Variants in AFF2 observed in about 807,000 individuals in gnomAD.
The protein encoded by AFF2 is AF4/FMR2 family member 2.
AFF2 carries 14 observed loss-of-function variants against 76.9 expected under a neutral mutation model. The observed-to-expected ratio is 0.18, with a 90% CI of 0.12 to 0.28. The LOEUF (loss-of-function observed/expected upper bound fraction) is 0.28. AFF2 is among the 10% of genes least tolerant of loss of function. AFF2 has a pLI of 1.00. For synonymous variants in AFF2, 398 were observed against 366.7 expected (o/e 1.09, Z -0.98); for missense variants, 868 against 1,001.1 (o/e 0.87, Z 1.79).
chrX:148,726,570 A>G (rs957422808), intron 3 of AFF2, among the ~76,000 whole-genome samples: 1 of 111,897 alleles, frequency 8.9e-6, no homozygotes, highest in African/African-American at 3.3e-5. Flanking sequence ...TCTTTATAGC[A>G]AAATCACTAT....
rs1016470211 is a variant in AFF2 at position 148,974,351 on chromosome X, C to T, written c.3404+744C>T. The stretch of plus-strand genomic sequence containing the variant: ...TATTTGTACAATAATTTAATCCACC[C>T]CTGAATAGTGGATAAGCACCATCGT... On this transcript the variant is annotated intron_variant, in intron 16 of 20. Transcript: ENST00000370460. Among the ~76,000 whole-genome samples, 3 of 110,468 alleles carry T rather than the reference C, an allele frequency of 2.7e-5. No individual in the cohort carries two copies. In the South Asian group the frequency reaches 1.2e-3, roughly 44 times the overall value.
At chrX:148,936,014 A>T (rs1557284996) in intron 9 of AFF2, among the ~76,000 whole-genome samples, 1 of 111,069 alleles carries the variant, frequency 9.0e-6, no homozygotes, top group Non-Finnish European at 1.9e-5. Flanking sequence ...TTGCCTAGAG[A>T]TCTAATTCCA....
intron 3 of AFF2, among the ~76,000 whole-genome samples, chrX:148,706,853 C>G (rs900063420): frequency 1.8e-5 from 2 of 112,551 alleles, no homozygotes; most frequent in Non-Finnish European, 3.8e-5. Flanking sequence ...TGTGCCTAAA[C>G]AGAAGATTCT....
rs1385473343 is a variant in AFF2, at chrX:148,580,839, T to A, written c.48-71160T>A. 2.8e-5 allele frequency among the ~76,000 whole-genome samples: 3 copies of A among 108,226 alleles called. No homozygotes were observed. In the Admixed American group the frequency reaches 3.0e-4, roughly 11 times the overall value. 94.0% of individuals were successfully genotyped at this position (108,226 alleles called of 115,157 possible). ...CTTCTTAATGTAAATAACAAATCAA[T>A]TTTATACTATTATTACAGCTCTTAA... On this transcript the variant is annotated intron_variant, in intron 1 of 20. Transcript: ENST00000370460.
intron 9 of AFF2, among the ~76,000 whole-genome samples, chrX:148,952,936 C>T (rs1426631628): frequency 9.0e-6 from 1 of 110,955 alleles, no homozygotes; most frequent in Admixed American, 9.6e-5. Context: ...TGGGGCTGAG[C>T]GCCAGGCCCT....
At chrX:148,737,447 G>T (rs187572829) in intron 3 of AFF2, among the ~76,000 whole-genome samples, 1 of 111,815 alleles carries the variant, frequency 8.9e-6, no homozygotes, top group East Asian at 2.8e-4. Context: ...CAGAGCTACT[G>T]ATTTGTGTAC....
At chrX:148,947,403 A>C in intron 9 of AFF2, among the ~76,000 whole-genome samples, 1 of 112,264 alleles carries the variant, frequency 8.9e-6, no homozygotes, top group South Asian at 3.7e-4. Flanking sequence ...CTGGGGACAT[A>C]GGCTCCCTCC....
chrX:148,549,798 T>C (rs782626610), intron 1 of AFF2, among the ~76,000 whole-genome samples: 1 of 112,168 alleles, frequency 8.9e-6, no homozygotes, highest in Non-Finnish European at 1.9e-5. Flanking sequence ...TTCCCCCAGT[T>C]GCTATTTCTG....
chrX:148,948,395 T>A (rs373853085), intron 9 of AFF2, among the ~76,000 whole-genome samples: 3 of 111,708 alleles, frequency 2.7e-5, no homozygotes, highest in African/African-American at 6.5e-5. Flanking sequence ...TCACTTAAAA[T>A]CCCCAATACA....
chrX:148,651,408 C>T (rs1380540732), intron 1 of AFF2, among the ~76,000 whole-genome samples: 6 of 112,061 alleles, frequency 5.4e-5, no homozygotes, highest in Non-Finnish European at 1.1e-4. Flanking sequence ...TTGAAGAAAA[C>T]TGTGAGAAGA....
chrX:148,545,538 A>G (rs1299463874), intron 1 of AFF2, among the ~76,000 whole-genome samples: 2 of 111,281 alleles, frequency 1.8e-5, no homozygotes, highest in African/African-American at 6.5e-5. Context: ...TTATCCGATA[A>G]TAAGACAGCA....
intron 1 of AFF2, among the ~76,000 whole-genome samples, chrX:148,542,881 C>A (rs1480348447): frequency 8.9e-6 from 1 of 112,325 alleles, no homozygotes; most frequent in Non-Finnish European, 1.9e-5. Context: ...TCCCCGTCTT[C>A]ATCACAAGTA....
chrX:148,845,040 A>G (rs1188805018), intron 7 of AFF2, among the ~76,000 whole-genome samples: 1 of 110,263 alleles, frequency 9.1e-6, no homozygotes, highest in African/African-American at 3.3e-5. Context: ...CTAGGAAACA[A>G]TAGATCTAAT....
At chrX:148,689,123 C>T (rs2054626799) in intron 3 of AFF2, among the ~76,000 whole-genome samples, 2 of 111,735 alleles carry the variant, frequency 1.8e-5, no homozygotes, top group Admixed American at 1.9e-4. Flanking sequence ...CTTCTGAGCC[C>T]CCTCTCCTTG....
chrX:148,912,896 T>C (rs782261361), intron 9 of AFF2, among the ~76,000 whole-genome samples: 1 of 112,715 alleles, frequency 8.9e-6, no homozygotes, highest in East Asian at 2.8e-4. Flanking sequence ...CATTTCAAGA[T>C]AATGAGGCAC....
At chrX:148,857,736 G>A (rs1296728107) in intron 7 of AFF2, among the ~76,000 whole-genome samples, 28 of 40,144 alleles carry the variant, frequency 7.0e-4, no homozygotes, top group African/African-American at 2.0e-3. Flanking sequence ...CAACTCTCTT[G>A]AAAACCAAAC....
intron 1 of AFF2, among the ~76,000 whole-genome samples, chrX:148,650,250 A>T (rs1054444435): frequency 9.0e-6 from 1 of 111,469 alleles, no homozygotes; most frequent in African/African-American, 3.3e-5. Context: ...TCAAACATGG[A>T]GACATTGAGA....
At chrX:148,963,021 C>A in intron 13 of AFF2, 84 bp downstream of exon 13, 1 of 666,561 alleles carries the variant, frequency 1.5e-6, no homozygotes, top group Non-Finnish European at 2.4e-6. Context: ...GGGGATGTTG[C>A]AGGAGGAAGG....
At chrX:148,954,403 G>A (rs1385956903) in intron 10 of AFF2, among the ~76,000 whole-genome samples, 52 of 110,977 alleles carry the variant, frequency 4.7e-4, no homozygotes, top group Non-Finnish European at 3.8e-4. Context: ...CTCAACCCCC[G>A]GCTCTTCATA....
Sources: gnomAD v4.1 joint callset for allele counts (sites outside exome capture counted in the v4.1 genomes callset) on GRCh38, gnomAD v4.1.1 for gene constraint, MANE v1.5 for transcripts, NCBI Gene and HGNC (gene_info 2026-07-23, HGNC 2026-07-21) for gene names.